TLN2: variants seen among roughly 807,000 people sequenced by gnomAD.
The protein encoded by TLN2 is talin-2.
Under a neutral mutation model 294.7 loss-of-function variants are expected in TLN2, and 118 were observed. That is an observed-to-expected ratio of 0.40 (90% CI 0.34 to 0.47). The LOEUF (loss-of-function observed/expected upper bound fraction) is 0.47. Ranked by LOEUF, TLN2 falls within the 20% of genes least tolerant of loss-of-function variation. The probability of loss-of-function intolerance (pLI) is 0.84; values close to 1 mark genes in which losing one functional copy is unlikely to be tolerated. For missense variants in TLN2, 3,083 were observed against 3,282.2 expected, an observed-to-expected ratio of 0.94 and a Z score of 1.48; for synonymous variants, 1,431 against 1,304.5, an observed-to-expected ratio of 1.10 and a Z score of -2.09.
At chr15:62,725,773 G>A (rs947475892) in intron 27 of TLN2, among the ~76,000 whole-genome samples, 4 of 152,270 alleles carry the variant, frequency 2.6e-5, no homozygotes, top group South Asian at 2.1e-4. Flanking sequence ...GTTTGTCACC[G>A]TTCTGTCCAA....
At chr15:62,495,783 C>G (rs770289503) in intron 1 of TLN2, among the ~76,000 whole-genome samples, 1 of 152,210 alleles carries the variant, frequency 6.6e-6, no homozygotes, top group South Asian at 2.1e-4. Flanking sequence ...TCCACTTGAT[C>G]CCTTTTATTA....
intron 1 of TLN2, among the ~76,000 whole-genome samples, chr15:62,418,230 T>C (rs1339745297): frequency 6.6e-6 from 1 of 152,178 alleles, no homozygotes; most frequent in African/African-American, 2.4e-5. Context: ...CCTCCCCCGC[T>C]TTCTCTTGGT....
intron 1 of TLN2, among the ~76,000 whole-genome samples, chr15:62,397,161 C>T (rs2032619409): frequency 6.6e-6 from 1 of 152,156 alleles, no homozygotes; most frequent in South Asian, 2.1e-4. Flanking sequence ...ACCCAGCCTC[C>T]TAATGTGATT....
At chr15:62,813,627 T>G (rs1567662924) in intron 52 of TLN2, among the ~76,000 whole-genome samples, 1 of 152,058 alleles carries the variant, frequency 6.6e-6, no homozygotes, top group African/African-American at 2.4e-5. Flanking sequence ...GCTCCAAGAT[T>G]AGGATCACGG....
intron 3 of TLN2, among the ~76,000 whole-genome samples, chr15:62,620,062 A>C (rs2140853422): frequency 1.3e-5 from 2 of 152,214 alleles, no homozygotes; most frequent in Middle Eastern, 6.8e-3. Context: ...TTCAGACTCA[A>C]ACTCTTAGGC....
chr15:62,434,835 T>C (rs1269184638), intron 1 of TLN2, among the ~76,000 whole-genome samples: 1 of 152,224 alleles, frequency 6.6e-6, no homozygotes, highest in Non-Finnish European at 1.5e-5. Context: ...TAGGTAAATG[T>C]GTGCCATGGT....
chr15:62,800,792 C>A, intron 50 of TLN2, 23 bp downstream of exon 50: 1 of 1,589,718 alleles, frequency 6.3e-7, no homozygotes, highest in Admixed American at 1.7e-5. Flanking sequence ...CAGTTACCTC[C>A]CTTGGGTACC....
chr15:62,812,810 G>A (rs972185823), intron 52 of TLN2, among the ~76,000 whole-genome samples: 9 of 152,264 alleles, frequency 5.9e-5, no homozygotes, highest in East Asian at 1.9e-4. Flanking sequence ...AGGGGCGGGC[G>A]GGCAGATGGC....
intron 1 of TLN2, among the ~76,000 whole-genome samples, chr15:62,448,119 A>G (rs1421940852): frequency 6.6e-6 from 1 of 152,204 alleles, no homozygotes; most frequent in Non-Finnish European, 1.5e-5. Context: ...CAGAAGCAGC[A>G]TGGCTCTGAC....
At chr15:62,498,785 C>A (rs1210835777) in intron 1 of TLN2, among the ~76,000 whole-genome samples, 3 of 151,784 alleles carry the variant, frequency 2.0e-5, no homozygotes, top group African/African-American at 7.3e-5. Flanking sequence ...AATCAGTCAC[C>A]AATTCATTAC....
chr15:62,779,936 T>C (rs1240893580), intron 43 of TLN2, among the ~76,000 whole-genome samples: 1 of 152,240 alleles, frequency 6.6e-6, no homozygotes, highest in Non-Finnish European at 1.5e-5. Flanking sequence ...TCATGACATA[T>C]AGCTGTCACT....
At chr15:62,552,536 A>T (rs2042382137) in intron 1 of TLN2, among the ~76,000 whole-genome samples, 1 of 152,140 alleles carries the variant, frequency 6.6e-6, no homozygotes, top group Non-Finnish European at 1.5e-5. Flanking sequence ...TGGTCTATTT[A>T]ATGTCATGTT....
intron 1 of TLN2, among the ~76,000 whole-genome samples, chr15:62,435,882 C>T (rs993183403): frequency 2.6e-5 from 4 of 152,216 alleles, no homozygotes; most frequent in Admixed American, 6.5e-5. Context: ...CTGTCACATG[C>T]TGTGAATACT....
At chr15:62,713,747 T>G (rs542097867) in intron 22 of TLN2, among the ~76,000 whole-genome samples, 1 of 152,154 alleles carries the variant, frequency 6.6e-6, no homozygotes, top group Admixed American at 6.5e-5. Context: ...CTGTCCATCA[T>G]GTTACTTGAG....
At chr15:62,656,999 A>G (rs1396273995) in intron 8 of TLN2, among the ~76,000 whole-genome samples, 1 of 152,176 alleles carries the variant, frequency 6.6e-6, no homozygotes, top group Non-Finnish European at 1.5e-5. Flanking sequence ...TGGCATGGAA[A>G]GAGGGCTGAG....
intron 1 of TLN2, among the ~76,000 whole-genome samples, chr15:62,547,099 G>T (rs577181994): frequency 6.6e-6 from 1 of 152,316 alleles, no homozygotes; most frequent in Admixed American, 6.5e-5. Flanking sequence ...AGGATTAACT[G>T]TTAATAAGCT....
intron 48 of TLN2, among the ~76,000 whole-genome samples, chr15:62,797,947 G>C (rs1218123899): frequency 6.6e-6 from 1 of 152,166 alleles, no homozygotes; most frequent in Non-Finnish European, 1.5e-5. Context: ...CAGCATTTAG[G>C]ACCACTTTAC....
At chr15:62,827,816 C>G (rs2068364311) in intron 54 of TLN2, 1 of 152,152 alleles carries the variant, frequency 6.6e-6, no homozygotes. Context: ...TATGAGTCAG[C>G]CATGCTTTAC....
intron 50 of TLN2, among the ~76,000 whole-genome samples, chr15:62,801,547 T>C (rs541510473): frequency 6.6e-6 from 1 of 152,344 alleles, no homozygotes; most frequent in East Asian, 1.9e-4. Context: ...AAGGGTCACC[T>C]GCAAAAGCGA....
Sources: gnomAD v4.1 joint callset for allele counts (sites outside exome capture counted in the v4.1 genomes callset) on GRCh38, gnomAD v4.1.1 for gene constraint, MANE v1.5 for transcripts, NCBI Gene and HGNC (gene_info 2026-07-23, HGNC 2026-07-21) for gene names.